Variants in SNX14 observed in about 807,000 individuals in gnomAD.
SNX14 encodes sorting nexin 14, also known as sorting nexin-14.
Under a neutral mutation model 133.8 loss-of-function variants are expected in SNX14, and 93 were observed. That is an observed-to-expected ratio of 0.70 (90% CI 0.59 to 0.83). The LOEUF is 0.83. SNX14 is among the 40% of genes least tolerant of loss of function. The pLI, the probability that SNX14 is intolerant of heterozygous loss-of-function variation, is 0.00. For missense variants in SNX14, 945 were observed against 1,094.9 expected (o/e 0.86, Z 1.93); for synonymous variants, 368 against 365.6 (o/e 1.01, Z -0.07).
At chr6:85,577,300 C>T (rs1354612290) in intron 1 of SNX14, among the ~76,000 whole-genome samples, 1 of 152,034 alleles carries the variant, frequency 6.6e-6, no homozygotes, top group Non-Finnish European at 1.5e-5. Flanking sequence ...TGCCTGTAAT[C>T]CCAGCTACTA....
intron 21 of SNX14, among the ~76,000 whole-genome samples, chr6:85,518,805 C>T (rs1383562921): frequency 1.3e-5 from 2 of 152,196 alleles, no homozygotes; most frequent in African/African-American, 4.8e-5. Flanking sequence ...GTTCTCATAA[C>T]ACCCCCTCCT....
intron 5 of SNX14, among the ~76,000 whole-genome samples, 177 bp downstream of exon 5, chr6:85,567,357 T>A (rs1794214457): frequency 6.6e-6 from 1 of 152,142 alleles, no homozygotes. Context: ...AGGTCAGGGG[T>A]GCTAATTATC....
At chr6:85,562,039 CTTCT>C (rs1791819248) in intron 6 of SNX14, among the ~76,000 whole-genome samples, 1 of 152,114 alleles carries the variant, frequency 6.6e-6, no homozygotes, top group African/African-American at 2.4e-5. Context: ...CTATTGCTTC[CTTCT>C]TTATGTCCAC....
chr6:85,531,073 G>C (rs1780143750), intron 18 of SNX14, among the ~76,000 whole-genome samples: 1 of 152,118 alleles, frequency 6.6e-6, no homozygotes, highest in South Asian at 2.1e-4. Context: ...CTGAGTACTT[G>C]AGAGGCAGCT....
rs530885056 is a variant in SNX14, at chr6:85,593,825, G to A, written c.-107C>T. On this transcript the variant is annotated 5_prime_UTR_variant, in exon 1 of 29. Transcript: ENST00000314673. ...CCCCACCGACTTGGCGGCGCACACAGACGCCTACCGGCAGTTAGCCGCCGC... is the reference window on the plus strand; with the variant it reads ...CCCCACCGACTTGGCGGCGCACACAAACGCCTACCGGCAGTTAGCCGCCGC... 2.6e-5 allele frequency: 41 copies of A among 1,555,362 alleles called. No homozygotes were observed. In the Middle Eastern group the frequency reaches 8.7e-4, roughly 33 times the overall value.
At chr6:85,526,051 A>AT in intron 21 of SNX14, 75 bp downstream of exon 21, 1 of 984,016 alleles carries the variant, frequency 1.0e-6, no homozygotes, top group Non-Finnish European at 1.5e-6. Context: ...TATACTATAT[A>AT]TTTTTCTAAG....
chr6:85,508,477 A>C, intron 26 of SNX14: 1 of 738,568 alleles, frequency 1.4e-6, no homozygotes, highest in Non-Finnish European at 1.7e-6. Flanking sequence ...TTAACACCCA[A>C]TGTAGGATAA....
chr6:85,523,208 C>G (rs1233699357), intron 21 of SNX14, among the ~76,000 whole-genome samples: 1 of 152,022 alleles, frequency 6.6e-6, no homozygotes, highest in Non-Finnish European at 1.5e-5. Context: ...CCATATTAAA[C>G]AATAAAGATT....
intron 1 of SNX14, 31 bp from the exon 2 acceptor site, chr6:85,574,409 C>T: frequency 6.9e-7 from 1 of 1,453,452 alleles, no homozygotes; most frequent in Admixed American, 1.9e-5. Context: ...ATTATTACAA[C>T]CAAAGAAAAT....
intron 18 of SNX14, among the ~76,000 whole-genome samples, chr6:85,531,933 TG>T (rs1279012968): frequency 6.6e-6 from 1 of 151,938 alleles, no homozygotes; most frequent in African/African-American, 2.4e-5. Flanking sequence ...GAGGCTGAAG[TG>T]GGAGGATCAC....
rs760752847 is a variant in SNX14 at position 85,572,305 on chromosome 6, G to A, written c.331C>T (p.Arg111Ter). ...AAAAAATATTTAACTTACCTATGTCGTTTACATTTCACTTTACCACAAACA... is the reference window on the plus strand; with the variant it reads ...AAAAAATATTTAACTTACCTATGTCATTTACATTTCACTTTACCACAAACA... ...CAVCGKVKCK[R>*]HRPSLLLENY... The change falls in exon 3 of 29, where the codon CGA (arginine) becomes TGA (stop). Residue 111 changes from arginine (R) to a stop codon, truncating the protein, a stop_gained. Coordinates refer to ENST00000314673, the MANE Select transcript of SNX14 (RefSeq NM_153816.6). LOFTEE classifies it high-confidence loss of function. 6.8e-6 allele frequency: 11 copies of A among 1,613,170 alleles called. No individual in the cohort carries two copies. The highest frequency in any genetic ancestry group is 1.7e-5 in the Admixed American group (1 of 59,970).
chr6:85,565,398 G>C lies in SNX14; in HGVS notation c.483C>G (p.Ser161=), dbSNP rs376165476. ...PWYRDVTDDE[S]FVDELRITLR... is the part of the protein sequence containing the mutation. ...ATGTTATTCTCAGTTCATCAACAAA[G>C]GATTCATCATCTGTCACATCCCTTC... is the stretch of plus-strand genomic sequence containing the variant. The change falls in exon 6 of 29, where the codon TCC becomes TCG. Residue 161 remains serine, a synonymous_variant. Transcript: ENST00000314673. 8 of 1,601,372 alleles carry C rather than the reference G, an allele frequency of 5.0e-6. No homozygotes were observed. The highest frequency in any genetic ancestry group is 1.3e-5 in the African/African-American group (1 of 74,538).
chr6:85,524,130 C>T (rs1161082366), intron 21 of SNX14, among the ~76,000 whole-genome samples: 1 of 150,834 alleles, frequency 6.6e-6, no homozygotes, highest in Non-Finnish European at 1.5e-5. Flanking sequence ...TGCAGTGAGC[C>T]AAGATGGCAC....
chr6:85,556,974 GA>G (rs943061492), intron 7 of SNX14, among the ~76,000 whole-genome samples: 53 of 152,138 alleles, frequency 3.5e-4, no homozygotes, highest in African/African-American at 1.1e-3. Flanking sequence ...TATGTGGGGG[GA>G]AAAAATGGTT....
At position 85,593,766 on chromosome 6, in the gene SNX14, C is replaced by G; in HGVS notation, c.-48G>C. The G allele has an allele frequency of 6.2e-7, 1 of 1,607,134 alleles. No individual in the cohort carries two copies. The highest frequency in any genetic ancestry group is 1.1e-5 in the South Asian group (1 of 90,546). On this transcript the variant is annotated 5_prime_UTR_variant, in exon 1 of 29. Coordinates refer to ENST00000314673, the MANE Select transcript of SNX14 (RefSeq NM_153816.6). Reference sequence around the variant, plus strand: ...CTGCGCTACTGGCTGAGGCAGAGGTCAAGGCGACCCCCCATCCACACCTCG... The same window carrying G: ...CTGCGCTACTGGCTGAGGCAGAGGTGAAGGCGACCCCCCATCCACACCTCG...
At chr6:85,576,140 T>A (rs1797262887) in intron 1 of SNX14, among the ~76,000 whole-genome samples, 1 of 152,150 alleles carries the variant, frequency 6.6e-6, no homozygotes. Context: ...TTTGCACAGT[T>A]TCTGCTTGCA....
chr6:85,513,721 G>T (rs2127796829), intron 26 of SNX14, 79 bp downstream of exon 26: 1 of 1,048,630 alleles, frequency 9.5e-7, no homozygotes, highest in Non-Finnish European at 1.4e-6. Flanking sequence ...TAAAAAATTA[G>T]CTTCAATAAT....
intron 16 of SNX14, among the ~76,000 whole-genome samples, chr6:85,538,277 T>A (rs190650919): frequency 5.8e-4 from 89 of 152,274 alleles, no homozygotes; most frequent in African/African-American, 1.9e-3. Context: ...GGGTTTTTTT[T>A]AATCCAGAAT....
intron 6 of SNX14, among the ~76,000 whole-genome samples, chr6:85,563,688 T>C (rs1792638545): frequency 6.6e-6 from 1 of 152,100 alleles, no homozygotes; most frequent in Admixed American, 6.6e-5. Flanking sequence ...CCACCGCGCC[T>C]GGCTGAGAAA....
Sources: allele counts gnomAD v4.1 joint callset (sites outside exome capture counted in the v4.1 genomes callset), GRCh38; gene constraint gnomAD v4.1.1; transcripts MANE v1.5; gene names NCBI Gene and HGNC (gene_info 2026-07-23, HGNC 2026-07-21).